The following ZNF43 variants were observed in gnomAD, a reference collection of about 807,000 sequenced individuals.
The protein encoded by ZNF43 is zinc finger protein 39-like 1 (KOX 27).
A neutral mutation model predicts 68.4 loss-of-function variants in ZNF43; 44 were observed. The ratio of observed to expected loss-of-function variants is 0.64; its 90% CI spans 0.51 to 0.83. The LOEUF is 0.83. Among genes scored for constraint, ZNF43 ranks in the 40% least tolerant of loss-of-function variants. ZNF43 has a pLI of 0.00. For missense variants in ZNF43, 896 were observed against 933.2 expected (o/e 0.96, Z 0.52); for synonymous variants, 308 against 307.8 (o/e 1.00, Z -0.01).
At chr19:21,816,566 G>A (rs958174888) in intron 3 of ZNF43, among the ~76,000 whole-genome samples, 16 of 152,100 alleles carry the variant, frequency 1.1e-4, no homozygotes, top group Admixed American at 9.2e-4. Flanking sequence ...CCACAGTTTG[G>A]GAGAGGTCCT....
At chr19:21,837,025 A>G (rs1967152042), upstream of ZNF43, among the ~76,000 whole-genome samples, 1 of 152,274 alleles carries the variant, frequency 6.6e-6, no homozygotes, top group African/African-American at 2.4e-5. Flanking sequence ...AAAACTAAAT[A>G]TAGGTAATGT....
chr19:21,852,052 C>G (rs950787507), exon 1 of ZNF43: 2 of 1,173,276 alleles, frequency 1.7e-6, no homozygotes, highest in Non-Finnish European at 2.3e-6. Flanking sequence ...CAAGGTCTAG[C>G]GGGAGCTGGA....
chr19:21,809,262 T>C lies in ZNF43; in HGVS notation c.775A>G (p.Lys259Glu). ...AAAGCTTTGCCACATTCTTCACATTTGTAGAGTTTGTATCTAGTATAATTT... is the reference window on the plus strand; with the variant it reads ...AAAGCTTTGCCACATTCTTCACATTCGTAGAGTTTGTATCTAGTATAATTT... ...KKNYTRYKLYKCEECGKAFNK... is the reference protein window; with the variant it reads ...KKNYTRYKLYECEECGKAFNK... Residue 259 changes from lysine to glutamate, a missense_variant, in exon 4 of 4, where the codon AAA (lysine) becomes GAA (glutamate). Coordinates refer to ENST00000354959, the MANE Select transcript of ZNF43 (RefSeq NM_003423.4). 6.2e-7 allele frequency: 1 copy of C among 1,613,736 alleles called. No homozygotes were observed. Among genetic ancestry groups the C allele is most frequent in the Non-Finnish European group, 8.5e-7 (1 of 1,179,860 alleles).
At chr19:21,844,949 TTACA>T (rs1555728283) in intron 1 of ZNF43, among the ~76,000 whole-genome samples, 2 of 132,660 alleles carry the variant, frequency 1.5e-5, no homozygotes, top group African/African-American at 3.1e-5. Context: ...TATATATATG[TTACA>T]ATGTTACAAT....
chr19:21,817,172 G>A (rs1376927823), intron 3 of ZNF43, among the ~76,000 whole-genome samples: 1 of 150,562 alleles, frequency 6.6e-6, no homozygotes, highest in African/African-American at 2.4e-5. Flanking sequence ...GCAGTGAGCC[G>A]AGATTGTGCC....
Position 21,819,201 on chromosome 19 carries a change from A to G in ZNF43, c.24T>C (p.Asp8=), listed in dbSNP as rs761418225. 1 of 1,602,466 alleles carries G rather than the reference A, an allele frequency of 6.2e-7. No individual in the cohort carries two copies. Among genetic ancestry groups the G allele is most frequent in the Non-Finnish European group, 8.5e-7 (1 of 1,176,646 alleles). Residue 8 remains aspartate, a synonymous_variant, in exon 2 of 4, where the codon GAT becomes GAC. Transcript: ENST00000354959. MGPLTFM[D]VAIEFCLEEW... The stretch of plus-strand genomic sequence containing the variant: ...CCTCCAGACAGAATTCTATGGCCAC[A>G]TCCATAAATGTCAATGGTCCCTAAA...
chr19:21,826,007 C>G (rs1477069879), intron 1 of ZNF43, among the ~76,000 whole-genome samples: 1 of 152,138 alleles, frequency 6.6e-6, no homozygotes, highest in East Asian at 1.9e-4. Flanking sequence ...CGAGATGGTG[C>G]CACTGCACTC....
At position 21,807,718 on chromosome 19, in the gene ZNF43, T is replaced by C. The variant is rs1237954298; in HGVS notation, c.2319A>G (p.Gln773=). Residue 773 remains glutamine, a synonymous_variant, in exon 4 of 4, where the codon CAA becomes CAG. Coordinates refer to ENST00000354959, the MANE Select transcript of ZNF43 (RefSeq NM_003423.4). ...KCKECGKAFN[Q]YSNLTTHNKI... ...TGTTATGTGTAGTAAGGTTTGAATA[T>C]TGGTTGAAAGCTTTGCCACATTCTT... 8.1e-6 allele frequency: 13 copies of C among 1,613,514 alleles called. No individual in the cohort carries two copies. Among genetic ancestry groups the C allele is most frequent in the Non-Finnish European group, 1.1e-5 (13 of 1,179,778 alleles).
Position 21,808,894 on chromosome 19 carries a change from C to A in ZNF43, c.1143G>T (p.Arg381=), listed in dbSNP as rs1339407818. The A allele has an allele frequency of 1.2e-6, 2 of 1,612,668 alleles. No individual in the cohort carries two copies. Among genetic ancestry groups the A allele is most frequent in the South Asian group, 2.2e-5 (2 of 91,010 alleles). ...TCTTATGTTTAGTAAGGTTTGAGGACCGGCTAAAAGCTTCACCACATTCTG... is the reference window on the plus strand; with the variant it reads ...TCTTATGTTTAGTAAGGTTTGAGGAACGGCTAAAAGCTTCACCACATTCTG... ...KCTECGEAFS[R]SSNLTKHKKI... The change falls in exon 4 of 4, where the codon CGG becomes CGT. Residue 381 remains arginine (R), a synonymous_variant. Transcript: ENST00000354959.
chr19:21,811,999 A>C (rs561875854), intron 3 of ZNF43: 1 of 398,752 alleles, frequency 2.5e-6, no homozygotes, highest in Non-Finnish European at 4.4e-6. Context: ...ATTTAACTAC[A>C]CTATACCTCG....
intron 3 of ZNF43, 91 bp downstream of exon 3, chr19:21,817,797 G>A: frequency 7.5e-7 from 1 of 1,338,038 alleles, no homozygotes; most frequent in South Asian, 1.3e-5. Flanking sequence ...TTGGAACACA[G>A]CTTCCCAAGT....
intron 3 of ZNF43, among the ~76,000 whole-genome samples, chr19:21,813,663 C>T (rs1020113970): frequency 6.6e-6 from 1 of 152,056 alleles, no homozygotes; most frequent in Non-Finnish European, 1.5e-5. Flanking sequence ...GAAAAGAGGG[C>T]AAAATGAGCA....
upstream of ZNF43, among the ~76,000 whole-genome samples, chr19:21,837,528 G>C (rs561827338): frequency 8.1e-5 from 12 of 147,926 alleles, no homozygotes; most frequent in African/African-American, 2.8e-4. Flanking sequence ...AGGTTCAAGC[G>C]ATTCTCCTGA....
Position 21,836,172 on chromosome 19 carries a change from C to A in ZNF43, c.-134G>T. On this transcript the variant is annotated 5_prime_UTR_variant, in exon 1 of 4. Coordinates refer to ENST00000354959, the MANE Select transcript of ZNF43 (RefSeq NM_003423.4). ...AAGACGAGACGCAGAGCTCCAACTG[C>A]AGCCAGAGACAAAGGCCCCGCCACA... 1 of 1,541,512 alleles carries A rather than the reference C, an allele frequency of 6.5e-7. No homozygotes were observed. The highest frequency in any genetic ancestry group is 8.8e-7 in the Non-Finnish European group (1 of 1,142,500).
rs748399930 is a variant in ZNF43 at position 21,809,292 on chromosome 19, T to G, written c.745A>C (p.Lys249Gln). 14 of 1,613,570 alleles carry G rather than the reference T, an allele frequency of 8.7e-6. No homozygotes were observed. Among genetic ancestry groups the G allele is most frequent in the Non-Finnish European group, 1.2e-5 (14 of 1,179,880 alleles). The change falls in exon 4 of 4, where the codon AAA becomes CAA. Residue 249 changes from lysine (K) to glutamine (Q), a missense_variant. Physicochemically the swap from Lys to Gln is moderately conservative, Grantham distance 53 (BLOSUM62 1). Coordinates refer to ENST00000354959, the MANE Select transcript of ZNF43 (RefSeq NM_003423.4). ...FNWSSRLTTH[K>Q]KNYTRYKLYK... ...AGTTTGTATCTAGTATAATTTTTTT[T>G]ATGTGTAGTAAGGCGTGAGGACCAA...
chr19:21,839,397 C>T (rs908759972), upstream of ZNF43, among the ~76,000 whole-genome samples: 1 of 139,290 alleles, frequency 7.2e-6, no homozygotes, highest in African/African-American at 2.7e-5. Flanking sequence ...CTACATATCA[C>T]AAGCACCCCA....
chr19:21,837,561 GA>G (rs1248431428), upstream of ZNF43, among the ~76,000 whole-genome samples: 15 of 151,516 alleles, frequency 9.9e-5, no homozygotes, highest in African/African-American at 3.6e-4. Context: ...AGTAGCTGGG[GA>G]TACAGGTGCA....
intron 3 of ZNF43, among the ~76,000 whole-genome samples, chr19:21,814,410 T>C (rs572466789): frequency 4.7e-4 from 70 of 148,582 alleles, no homozygotes; most frequent in Non-Finnish European, 7.1e-4. Flanking sequence ...GTGATTGATC[T>C]CTTTTTTTTT....
At chr19:21,851,750 C>A (rs1019492450) in intron 1 of ZNF43, among the ~76,000 whole-genome samples, 4 of 152,066 alleles carry the variant, frequency 2.6e-5, no homozygotes, top group African/African-American at 9.7e-5. Flanking sequence ...ACGCGGGAGG[C>A]TCGGCTGCGG....
Sources: allele counts gnomAD v4.1 joint callset (sites outside exome capture counted in the v4.1 genomes callset), GRCh38; gene constraint gnomAD v4.1.1; transcripts MANE v1.5; gene names NCBI Gene and HGNC (gene_info 2026-07-23, HGNC 2026-07-21).